Variants in KIF6 observed in about 807,000 individuals in gnomAD.
KIF6 encodes kinesin-like protein KIF6.
KIF6 carries 106 observed loss-of-function variants against 112.7 expected under a neutral mutation model. That is an observed-to-expected ratio of 0.94 (90% CI 0.80 to 1.11). The LOEUF (loss-of-function observed/expected upper bound fraction) is 1.11. Among genes scored for constraint, KIF6 ranks in the 50% least tolerant of loss-of-function variants. The pLI is 0.00. For missense variants in KIF6, 929 were observed against 964.0 expected (o/e 0.96, Z 0.48); for synonymous variants, 339 against 339.9 (o/e 1.00, Z 0.03).
chr6:39,431,845 C>A (rs536969031), intron 13 of KIF6, among the ~76,000 whole-genome samples: 23 of 152,268 alleles, frequency 1.5e-4, no homozygotes, highest in Admixed American at 2.6e-4. Context: ...ACAGCCAGGA[C>A]CAGGCTCTCC....
intron 3 of KIF6, among the ~76,000 whole-genome samples, chr6:39,661,186 T>C (rs73732176): frequency 0.057 from 8,612 of 152,254 alleles, 805 homozygotes; most frequent in African/African-American, 0.19. Flanking sequence ...TCTACAATTA[T>C]GCATTGATAA....
chr6:39,699,598 T>G (rs1460843626), intron 3 of KIF6, among the ~76,000 whole-genome samples: 1 of 152,166 alleles, frequency 6.6e-6, no homozygotes, highest in Non-Finnish European at 1.5e-5. Flanking sequence ...TGGAGCCCAG[T>G]GCACAATGAA....
At position 39,654,067 on chromosome 6, in the gene KIF6, G is replaced by T. The variant is rs143619200; in HGVS notation, c.252-14310C>A. Among the ~76,000 whole-genome samples, 119 of 152,258 alleles carry T rather than the reference G, an allele frequency of 7.8e-4. 1 individual carries two copies. The highest frequency in any genetic ancestry group is 2.6e-3 in the African/African-American group (106 of 41,542). The stretch of plus-strand genomic sequence containing the variant: ...GGGGCCTATGTAATGGCATTAACAA[G>T]CTACTCTTTACAAAGATGACAAGAG... On this transcript the variant is annotated intron_variant, in intron 3 of 22. Coordinates refer to ENST00000287152, the MANE Select transcript of KIF6 (RefSeq NM_145027.6).
chr6:39,569,903 A>C (rs754201716), intron 10 of KIF6, among the ~76,000 whole-genome samples: 18 of 152,238 alleles, frequency 1.2e-4, no homozygotes, highest in Non-Finnish European at 2.2e-4. Flanking sequence ...GTACTCAGTC[A>C]GTGTTTATCC....
At chr6:39,346,064 C>CTG (rs1763704815) in intron 20 of KIF6, among the ~76,000 whole-genome samples, 1 of 17,504 alleles carries the variant, frequency 5.7e-5, no homozygotes, top group Non-Finnish European at 1.0e-4. Flanking sequence ...CTCTCTCTCT[C>CTG]TCTCTCTCTC....
intron 9 of KIF6, among the ~76,000 whole-genome samples, chr6:39,581,161 C>CTTT (rs60321520): frequency 0.017 from 1,318 of 77,910 alleles, 21 homozygotes; most frequent in African/African-American, 0.042. Context: ...GCTTTACTTT[C>CTTT]TTTTTTTTTT....
chr6:39,464,360 T>G (rs1477584780), intron 13 of KIF6, among the ~76,000 whole-genome samples: 3 of 152,202 alleles, frequency 2.0e-5, no homozygotes, highest in Non-Finnish European at 4.4e-5. Context: ...GAGGGAACCA[T>G]GTGCATAAGG....
intron 13 of KIF6, among the ~76,000 whole-genome samples, chr6:39,450,494 G>C (rs1221198435): frequency 2.0e-5 from 3 of 152,136 alleles, no homozygotes; most frequent in African/African-American, 7.2e-5. Flanking sequence ...GAAAACTGGG[G>C]TAACAGAATG....
At chr6:39,443,247 G>A (rs1279867254) in intron 13 of KIF6, among the ~76,000 whole-genome samples, 2 of 151,458 alleles carry the variant, frequency 1.3e-5, no homozygotes, top group African/African-American at 2.4e-5. Flanking sequence ...GCTTCCAAAG[G>A]CCATGGTTCA....
chr6:39,644,309 A>G (rs1490801203), intron 3 of KIF6, among the ~76,000 whole-genome samples: 1 of 152,152 alleles, frequency 6.6e-6, no homozygotes, highest in Non-Finnish European at 1.5e-5. Context: ...TGACCCGGCT[A>G]GGTGTATACA....
At chr6:39,426,172 C>T (rs991456962) in intron 14 of KIF6, among the ~76,000 whole-genome samples, 1 of 152,216 alleles carries the variant, frequency 6.6e-6, no homozygotes, top group African/African-American at 2.4e-5. Context: ...ATGGGGTTTC[C>T]AGCCTCTCTT....
At chr6:39,662,087 C>T (rs1048385429) in intron 3 of KIF6, among the ~76,000 whole-genome samples, 2 of 151,888 alleles carry the variant, frequency 1.3e-5, no homozygotes, top group Non-Finnish European at 2.9e-5. Flanking sequence ...TATCATTGGG[C>T]CATTCTAGTT....
chr6:39,471,747 G>A (rs1774128552), intron 13 of KIF6, among the ~76,000 whole-genome samples: 1 of 152,154 alleles, frequency 6.6e-6, no homozygotes, highest in Non-Finnish European at 1.5e-5. Flanking sequence ...GGAGAAGGGA[G>A]TTCTTTTTAC....
intron 7 of KIF6, among the ~76,000 whole-genome samples, chr6:39,593,731 C>T (rs1782079308): frequency 6.6e-6 from 1 of 152,198 alleles, no homozygotes; most frequent in South Asian, 2.1e-4. Flanking sequence ...GCAATTCCCA[C>T]TGCCTGACAT....
chr6:39,375,903 T>C (rs778378580), intron 16 of KIF6, among the ~76,000 whole-genome samples: 2 of 152,220 alleles, frequency 1.3e-5, no homozygotes, highest in East Asian at 3.8e-4. Flanking sequence ...AGGGCTGACA[T>C]AGAGTCTTCC....
At chr6:39,421,605 T>C (rs992911653) in intron 14 of KIF6, among the ~76,000 whole-genome samples, 3 of 152,200 alleles carry the variant, frequency 2.0e-5, no homozygotes, top group South Asian at 2.1e-4. Context: ...AATTATGTCA[T>C]TGCTATTTTC....
At chr6:39,587,309 C>T (rs375367121) in intron 7 of KIF6, among the ~76,000 whole-genome samples, 46 of 152,188 alleles carry the variant, frequency 3.0e-4, no homozygotes, top group African/African-American at 9.2e-4. Context: ...AGAATACCTC[C>T]GCCAATGCCT....
intron 13 of KIF6, among the ~76,000 whole-genome samples, chr6:39,485,792 G>A (rs1312905275): frequency 6.6e-6 from 1 of 152,188 alleles, no homozygotes; most frequent in Non-Finnish European, 1.5e-5. Context: ...AACACAGGAA[G>A]GAAGGGTAAA....
intron 10 of KIF6, chr6:39,554,277 C>T (rs1235217330): frequency 6.5e-6 from 1 of 153,464 alleles, no homozygotes; most frequent in East Asian, 1.9e-4. Flanking sequence ...ATACTGGCCA[C>T]ACAGACCCTG....
Sources: allele counts gnomAD v4.1 joint callset (sites outside exome capture counted in the v4.1 genomes callset), GRCh38; gene constraint gnomAD v4.1.1; transcripts MANE v1.5; gene names NCBI Gene and HGNC (gene_info 2026-07-23, HGNC 2026-07-21).